MROH7: variants seen among roughly 807,000 people sequenced by gnomAD.
MROH7 encodes the protein maestro heat like repeat family member 7.
In MROH7, 113 loss-of-function variants were observed where a neutral mutation model predicts 129.2. The observed-to-expected ratio is 0.87, with a 90% CI of 0.75 to 1.02. The LOEUF (loss-of-function observed/expected upper bound fraction) is 1.02, where lower values mean the gene tolerates loss of function less well. Among genes scored for constraint, MROH7 ranks in the 50% least tolerant of loss-of-function variants. The pLI, the probability that MROH7 is intolerant of heterozygous loss-of-function variation, is 0.00. For missense variants in MROH7, 1,601 were observed against 1,671.3 expected (o/e 0.96, Z 0.73); for synonymous variants, 655 against 667.9 (o/e 0.98, Z 0.30).
intron 10 of MROH7, among the ~76,000 whole-genome samples, chr1:54,676,519 C>G (rs996590406): frequency 3.9e-5 from 6 of 152,024 alleles, no homozygotes; most frequent in Non-Finnish European, 8.8e-5. Context: ...AAGCGATTCT[C>G]CTGCCTCAGC....
chr1:54,666,893 C>G (rs1644823498), intron 4 of MROH7, among the ~76,000 whole-genome samples: 1 of 152,192 alleles, frequency 6.6e-6, no homozygotes, highest in Non-Finnish European at 1.5e-5. Context: ...CAGCTGATCT[C>G]CTTGGTAGAT....
intron 7 of MROH7, among the ~76,000 whole-genome samples, chr1:54,671,652 A>G (rs542450013): frequency 6.6e-6 from 1 of 152,166 alleles, no homozygotes; most frequent in Non-Finnish European, 1.5e-5. Flanking sequence ...GGTGACCCTC[A>G]GGGTAGGATG....
At chr1:54,709,829 AG>A in intron 23 of MROH7, 116 bp from the exon 24 acceptor site, 1 of 1,209,946 alleles carries the variant, frequency 8.3e-7, no homozygotes, top group Non-Finnish European at 1.2e-6. Flanking sequence ...AAGTGAGATG[AG>A]GGGATGCCAA....
At chr1:54,684,331 C>T (rs756321325) in intron 14 of MROH7, among the ~76,000 whole-genome samples, 10 of 152,186 alleles carry the variant, frequency 6.6e-5, no homozygotes, top group Admixed American at 1.3e-4. Flanking sequence ...GCAGATCTTC[C>T]GCTTCCAAAT....
intron 1 of MROH7, among the ~76,000 whole-genome samples, chr1:54,648,842 C>T (rs1209525101): frequency 1.3e-5 from 2 of 152,160 alleles, no homozygotes; most frequent in Non-Finnish European, 2.9e-5. Flanking sequence ...GATTTGAGAG[C>T]TGTTCTGGAG....
intron 15 of MROH7, among the ~76,000 whole-genome samples, chr1:54,687,159 C>T (rs148164645): frequency 0.02 from 3,024 of 152,078 alleles, 51 homozygotes; most frequent in Non-Finnish European, 0.031. Flanking sequence ...CTGCAACCTC[C>T]GTCTCCTGGG....
chr1:54,678,887 G>A (rs749841916), intron 11 of MROH7, 33 bp downstream of exon 11: 5 of 1,552,104 alleles, frequency 3.2e-6, no homozygotes, highest in South Asian at 1.1e-5. Context: ...GGAGCGGAGG[G>A]TGGGGGGTGA....
chr1:54,664,329 G>T (rs1306809805), intron 3 of MROH7, among the ~76,000 whole-genome samples: 7 of 152,264 alleles, frequency 4.6e-5, no homozygotes, highest in Admixed American at 4.6e-4. Flanking sequence ...CCTGCTGAAA[G>T]AAGAGATTCG....
At chr1:54,665,117 T>C (rs779952231) in intron 3 of MROH7, 50 bp from the exon 4 acceptor site, 1 of 1,439,336 alleles carries the variant, frequency 6.9e-7, no homozygotes, top group Non-Finnish European at 9.8e-7. Flanking sequence ...GATGGCATCC[T>C]AGGTACATCA....
At chr1:54,696,829 G>C (rs1455375542) in intron 17 of MROH7, among the ~76,000 whole-genome samples, 4 of 151,660 alleles carry the variant, frequency 2.6e-5, no homozygotes, top group Non-Finnish European at 4.4e-5. Flanking sequence ...GCACCACCAT[G>C]TCCAGCTAAT....
chr1:54,664,444 G>A (rs1238140438), intron 3 of MROH7, among the ~76,000 whole-genome samples: 1 of 152,196 alleles, frequency 6.6e-6, no homozygotes, highest in Non-Finnish European at 1.5e-5. Context: ...AGCCTTAGTG[G>A]GGCAAGGAGG....
chr1:54,684,332 G>A (rs1014092487), intron 14 of MROH7, among the ~76,000 whole-genome samples: 4 of 152,174 alleles, frequency 2.6e-5, no homozygotes, highest in Non-Finnish European at 4.4e-5. Flanking sequence ...CAGATCTTCC[G>A]CTTCCAAATC....
At chr1:54,652,181 G>C (rs1041861051) in intron 2 of MROH7, among the ~76,000 whole-genome samples, 198 bp downstream of exon 2, 6 of 152,110 alleles carry the variant, frequency 3.9e-5, no homozygotes, top group Non-Finnish European at 8.8e-5. Flanking sequence ...CTTTGCCAGG[G>C]TTGCTGTGAG....
chr1:54,656,509 C>CAAA (rs33918860), intron 3 of MROH7, among the ~76,000 whole-genome samples: 1 of 80,580 alleles, frequency 1.2e-5, no homozygotes, highest in Non-Finnish European at 2.4e-5. Flanking sequence ...GACTCCATCT[C>CAAA]AAAAAAAAAA....
intron 23 of MROH7, 132 bp from the exon 24 acceptor site, chr1:54,709,814 G>T: frequency 9.2e-7 from 1 of 1,084,140 alleles, no homozygotes; most frequent in Non-Finnish European, 1.3e-6. Flanking sequence ...GAATTGCCAG[G>T]AGGAAAGTGA....
At chr1:54,644,683 A>G (rs1644436608) in intron 1 of MROH7, among the ~76,000 whole-genome samples, 1 of 151,398 alleles carries the variant, frequency 6.6e-6, no homozygotes, top group Non-Finnish European at 1.5e-5. Flanking sequence ...AAAAAAAAAA[A>G]TAGAAATGAG....
intron 21 of MROH7, 74 bp downstream of exon 21, chr1:54,702,819 C>T: frequency 2.7e-6 from 4 of 1,499,906 alleles, no homozygotes; most frequent in Non-Finnish European, 2.7e-6. Context: ...CTCTCTCTTC[C>T]TTCTTTTCCC....
At position 54,653,808 on chromosome 1, in the gene MROH7, A is replaced by G; in HGVS notation, c.882A>G (p.Gln294=). The change falls in exon 3 of 24, where the codon CAA becomes CAG. Residue 294 remains glutamine, a synonymous_variant. Transcript: ENST00000421030. The part of the protein sequence containing the change: ...SRSDLSVTIT[Q]ASYVTLIPGS... The stretch of plus-strand genomic sequence containing the variant: ...CTGATTTGAGCGTGACCATCACTCA[A>G]GCCTCGTATGTGACCCTGATTCCTG... The G allele has an allele frequency of 2.5e-6, 4 of 1,614,078 alleles. No homozygotes were observed. The highest frequency in any genetic ancestry group is 3.4e-6 in the Non-Finnish European group (4 of 1,179,990).
intron 15 of MROH7, among the ~76,000 whole-genome samples, chr1:54,688,486 G>A (rs1443058575): frequency 6.6e-6 from 1 of 152,216 alleles, no homozygotes; most frequent in Non-Finnish European, 1.5e-5. Flanking sequence ...TGCATTTAGA[G>A]AGGCAGAGGG....
Sources: allele counts gnomAD v4.1 joint callset (sites outside exome capture counted in the v4.1 genomes callset), GRCh38; gene constraint gnomAD v4.1.1; transcripts MANE v1.5; gene names NCBI Gene and HGNC (gene_info 2026-07-23, HGNC 2026-07-21).